The following CACNA1C variants were observed in gnomAD, a reference collection of about 807,000 sequenced individuals.
The protein encoded by CACNA1C is voltage-dependent L-type calcium channel subunit alpha-1C.
Under a neutral mutation model 229.0 loss-of-function variants are expected in CACNA1C, and 30 were observed. The observed-to-expected ratio is 0.13, with a 90% CI of 0.10 to 0.18. The LOEUF is 0.18. Among genes scored for constraint, CACNA1C ranks in the 10% least tolerant of loss-of-function variants. The pLI is 1.00. For missense variants in CACNA1C, 1,658 were observed against 2,845.0 expected (o/e 0.58, Z 9.49); for synonymous variants, 1,114 against 1,132.5 (o/e 0.98, Z 0.33).
At chr12:2,524,513 A>T (rs2099815324) in intron 9 of CACNA1C, among the ~76,000 whole-genome samples, 1 of 152,358 alleles carries the variant, frequency 6.6e-6, no homozygotes, top group South Asian at 2.1e-4. Context: ...GACCATTGTA[A>T]TAAGCAGCCC....
rs552644718 is a variant in CACNA1C at position 2,403,094 on chromosome 12, C to G, written c.478-45882C>G. Among the ~76,000 whole-genome samples, 208 of 152,290 alleles carry G rather than the reference C, an allele frequency of 1.4e-3. No individual in the cohort carries two copies. The highest frequency in any genetic ancestry group is 2.4e-3 in the Non-Finnish European group (165 of 68,018). ...ACTTGTGTGTGTAGGCAGCAGCACA[C>G]AGATACGGGGCTAGGACGTAGGCCT... On this transcript the variant is annotated intron_variant, in intron 3 of 46. Coordinates refer to ENST00000399655, the MANE Select transcript of CACNA1C (RefSeq NM_000719.7). This position sits in a 1 kb window ranked among gnomAD's most constrained non-coding sequence, Gnocchi z 4.1.
intron 3 of CACNA1C, among the ~76,000 whole-genome samples, chr12:2,232,227 GTTTT>G (rs1169407536): frequency 6.7e-4 from 49 of 73,552 alleles, no homozygotes; most frequent in East Asian, 2.1e-3. Flanking sequence ...GTCTTTCCTT[GTTTT>G]TTTTTTTTTT....
Position 2,549,275 on chromosome 12 carries a change from A to G in CACNA1C, c.1391-668A>G, listed in dbSNP as rs185905787. On this transcript the variant is annotated intron_variant, in intron 9 of 46. Coordinates refer to ENST00000399655, the MANE Select transcript of CACNA1C (RefSeq NM_000719.7). ...CCCTACAGGCTGTCTTCTGACCACA[A>G]TTAAACATAATTGTGTGGACTGCAC... Among the ~76,000 whole-genome samples the G allele has an allele frequency of 1.4e-4, 21 of 152,268 alleles. No homozygotes were observed. The East Asian group carries it at 4.1e-3, about 29-fold the overall frequency.
chr12:2,447,652 T>G (rs1327709547), intron 3 of CACNA1C, among the ~76,000 whole-genome samples: 2 of 152,216 alleles, frequency 1.3e-5, no homozygotes, highest in Non-Finnish European at 2.9e-5. Context: ...TGATATGGCC[T>G]GATGGCTCCC....
At position 2,602,512 on chromosome 12, in the gene CACNA1C, T is replaced by C. The variant is rs1386324260; in HGVS notation, c.2960+552T>C. On this transcript the variant is annotated intron_variant, in intron 22 of 46. Coordinates refer to ENST00000399655, the MANE Select transcript of CACNA1C (RefSeq NM_000719.7). The surrounding 1 kb of genome is among the most constrained non-coding windows in gnomAD (Gnocchi z 4.4). ...GTTTGTGGCTGTGTGTATGTGTGTG[T>C]ATGTATGTGTTTGTGTTTGTGTCTG... 1.3e-5 allele frequency among the ~76,000 whole-genome samples: 2 copies of C among 152,028 alleles called. No homozygotes were observed. Among genetic ancestry groups the C allele is most frequent in the African/African-American group, 4.8e-5 (2 of 41,364 alleles).
Position 2,584,610 on chromosome 12 carries a change from C to T in CACNA1C, c.2332C>T (p.Leu778=). The T allele has an allele frequency of 1.2e-6, 2 of 1,610,086 alleles. No individual in the cohort carries two copies. Among genetic ancestry groups the T allele is most frequent in the Non-Finnish European group, 1.7e-6 (2 of 1,176,898 alleles). ...EEEEEKERKK[L]ARTASPEKKQ... ...GGAAGAGGAGAAGGAGAGAAAGAAGCTGGCCAGGTAACCCTCTAAGCTTGC... is the reference window on the plus strand; with the variant it reads ...GGAAGAGGAGAAGGAGAGAAAGAAGTTGGCCAGGTAACCCTCTAAGCTTGC... The change falls in exon 16 of 47, where the codon CTG becomes TTG. Residue 778 remains leucine, a synonymous_variant. Coordinates refer to ENST00000399655, the MANE Select transcript of CACNA1C (RefSeq NM_000719.7).
At chr12:2,169,910 G>A (rs1597970491) in intron 3 of CACNA1C, among the ~76,000 whole-genome samples, 1 of 152,144 alleles carries the variant, frequency 6.6e-6, no homozygotes, top group South Asian at 2.1e-4. Context: ...CCTACTTCTG[G>A]TGCTCCATCT....
intron 1 of CACNA1C, among the ~76,000 whole-genome samples, chr12:2,098,060 G>T (rs73603742): frequency 0.031 from 4,679 of 152,292 alleles, 220 homozygotes; most frequent in African/African-American, 0.1. Flanking sequence ...GTCTGAGTGC[G>T]CAGAGCAAAT....
At chr12:2,423,216 TATC>T (rs2098995750) in intron 3 of CACNA1C, among the ~76,000 whole-genome samples, 1 of 152,150 alleles carries the variant, frequency 6.6e-6, no homozygotes, top group African/African-American at 2.4e-5. Flanking sequence ...TGTCAGCTAG[TATC>T]TAGTATTCTC....
intron 3 of CACNA1C, among the ~76,000 whole-genome samples, chr12:2,223,166 A>T (rs1257811846): frequency 3.3e-5 from 5 of 152,232 alleles, no homozygotes; most frequent in Admixed American, 3.3e-4. Context: ...TGTTGTCTGC[A>T]TCGGAATGTC....
In CACNA1C at chr12:2,653,884, C is replaced by T. The variant is rs770033368; in HGVS notation, c.4124C>T (p.Ala1375Val). ...ATCGTGATGCTGTTCTTCATCTACG[C>T]GGTGATCGGGATGCAGGTAGGGAGG... ...LLIVMLFFIY[A>V]VIGMQVFGKI... is the part of the protein sequence containing the mutation. The change falls in exon 33 of 47, where the codon GCG becomes GTG. Residue 1375 changes from alanine to valine, a missense_variant. Ala to Val is a moderately conservative substitution (Grantham distance 64, BLOSUM62 0). Around this residue, in one of 20 missense-constraint regions of CACNA1C, gnomAD observed 151 missense variants for 344.4 expected, o/e 0.44. Coordinates refer to ENST00000399655, the MANE Select transcript of CACNA1C (RefSeq NM_000719.7). This position sits in a 1 kb window ranked among gnomAD's most constrained non-coding sequence, Gnocchi z 4.7. 1 of 1,613,848 alleles carries T rather than the reference C, an allele frequency of 6.2e-7. No individual in the cohort carries two copies. Among genetic ancestry groups the T allele is most frequent in the Admixed American group, 1.7e-5 (1 of 60,024 alleles).
intron 13 of CACNA1C, 27 bp downstream of exon 13, chr12:2,567,821 A>T (rs750714362): frequency 4.5e-5 from 64 of 1,417,586 alleles, no homozygotes; most frequent in Admixed American, 8.8e-5. Flanking sequence ...CTCACTTTGA[A>T]GAGGGGACTC....
intron 3 of CACNA1C, among the ~76,000 whole-genome samples, chr12:2,331,726 C>T (rs1443448719): frequency 6.6e-6 from 1 of 152,232 alleles, no homozygotes; most frequent in Non-Finnish European, 1.5e-5. Flanking sequence ...ACATCACTTC[C>T]GTGGTGCTCC....
intron 3 of CACNA1C, among the ~76,000 whole-genome samples, chr12:2,313,982 G>T (rs2095559752): frequency 6.6e-6 from 1 of 152,232 alleles, no homozygotes; most frequent in Non-Finnish European, 1.5e-5. Flanking sequence ...CAGCCTGCCT[G>T]CTGCTGGCGG....
At chr12:2,554,785 G>A (rs542264788) in intron 10 of CACNA1C, among the ~76,000 whole-genome samples, 1 of 152,316 alleles carries the variant, frequency 6.6e-6, no homozygotes, top group South Asian at 2.1e-4. Flanking sequence ...TCTCACCTCA[G>A]CTCCCCATGG....
At chr12:2,358,998 C>T (rs559725022) in intron 3 of CACNA1C, among the ~76,000 whole-genome samples, 1 of 152,352 alleles carries the variant, frequency 6.6e-6, no homozygotes. Context: ...CTTTGTTCTG[C>T]TCTTGGTCTT....
intron 1 of CACNA1C, chr12:1,991,349 A>G (rs1194096334): frequency 9.5e-6 from 4 of 418,954 alleles, no homozygotes; most frequent in Non-Finnish European, 1.4e-5. Flanking sequence ...AAAATAAAAT[A>G]TGAAAAACAA....
At chr12:2,158,703 G>T (rs2095673084) in intron 3 of CACNA1C, among the ~76,000 whole-genome samples, 1 of 152,054 alleles carries the variant, frequency 6.6e-6, no homozygotes, top group Non-Finnish European at 1.5e-5. Context: ...ACTCAAGCAA[G>T]AAGGTAAAAG....
chr12:2,691,192 G>T lies in CACNA1C; in HGVS notation c.6410G>T (p.Ser2137Ile). The T allele has an allele frequency of 6.4e-7, 1 of 1,557,198 alleles. No individual in the cohort carries two copies. Among genetic ancestry groups the T allele is most frequent in the Non-Finnish European group, 8.7e-7 (1 of 1,152,694 alleles). The change falls in exon 47 of 47, where the codon AGC (serine) becomes ATC (isoleucine). Residue 2137 changes from serine to isoleucine, a missense_variant. Physicochemically the swap from Ser to Ile is moderately radical, Grantham distance 142. This residue lies in a region of CACNA1C where 590 missense variants were observed against 700.8 expected (regional missense o/e 0.84). Transcript: ENST00000399655. ...ELQDSRVYVS[S>I]L ...CAGGACAGCAGGGTCTACGTCAGCA[G>T]CCTGTAGTGGGCGCTGCCAGATGCG...
Sources: allele counts gnomAD v4.1 joint callset (sites outside exome capture counted in the v4.1 genomes callset), GRCh38; gene constraint gnomAD v4.1.1; regional missense constraint gnomAD v4.1.1; non-coding constraint Gnocchi (gnomAD v3.1); transcripts MANE v1.5; gene names NCBI Gene and HGNC (gene_info 2026-07-23, HGNC 2026-07-21).